PAX7: variants seen among roughly 807,000 people sequenced by gnomAD.
PAX7 encodes paired box 7, also known as paired box protein Pax-7.
In PAX7, 18 loss-of-function variants were observed where a neutral mutation model predicts 50.7. The ratio of observed to expected loss-of-function variants is 0.36; its 90% CI spans 0.25 to 0.53. The LOEUF is 0.53. Among genes scored for constraint, PAX7 ranks in the 20% least tolerant of loss-of-function variants. The probability of loss-of-function intolerance (pLI) is 0.93; values close to 1 mark genes in which losing one functional copy is unlikely to be tolerated. For synonymous variants in PAX7, 310 were observed against 290.4 expected, an observed-to-expected ratio of 1.07 and a Z score of -0.69; for missense variants, 644 against 702.9, an observed-to-expected ratio of 0.92 and a Z score of 0.95.
chr1:18,647,839 G>T (rs1205856402), intron 4 of PAX7, among the ~76,000 whole-genome samples: 1 of 152,226 alleles, frequency 6.6e-6, no homozygotes, highest in Non-Finnish European at 1.5e-5. Context: ...TGTGGGCGCA[G>T]GTGGGGTGGG....
intron 7 of PAX7, among the ~76,000 whole-genome samples, chr1:18,722,557 C>A (rs192116293): frequency 6.6e-6 from 1 of 152,154 alleles, no homozygotes; most frequent in East Asian, 1.9e-4. Context: ...GTGTGGGACG[C>A]GGGGGGCTGC....
intron 7 of PAX7, among the ~76,000 whole-genome samples, chr1:18,715,964 C>T (rs966025175): frequency 1.3e-5 from 2 of 152,152 alleles, no homozygotes; most frequent in African/African-American, 4.8e-5. Flanking sequence ...TTCCATCAGC[C>T]TTTTCCATCC....
intron 4 of PAX7, among the ~76,000 whole-genome samples, chr1:18,667,011 G>T (rs1031201508): frequency 6.6e-6 from 1 of 152,216 alleles, no homozygotes; most frequent in East Asian, 1.9e-4. Context: ...GAGACGCTCC[G>T]TAGCTTCTCC....
chr1:18,740,967 A>G (rs564734861), intron 8 of PAX7, among the ~76,000 whole-genome samples: 1 of 152,322 alleles, frequency 6.6e-6, no homozygotes, highest in East Asian at 1.9e-4. Flanking sequence ...TAGAGAGTCA[A>G]ATGATGGTTA....
intron 5 of PAX7, among the ~76,000 whole-genome samples, chr1:18,692,237 G>C (rs1356195008): frequency 2.0e-5 from 3 of 152,150 alleles, no homozygotes; most frequent in African/African-American, 7.2e-5. Flanking sequence ...AAGGACAAAA[G>C]AAGGAATGAA....
chr1:18,705,734 G>A (rs546753284), intron 7 of PAX7, among the ~76,000 whole-genome samples: 1 of 152,308 alleles, frequency 6.6e-6, no homozygotes, highest in South Asian at 2.1e-4. Flanking sequence ...TTCAGGGTTG[G>A]ATGACGTGTT....
chr1:18,701,004 G>T (rs1375008714), intron 6 of PAX7, among the ~76,000 whole-genome samples, 186 bp downstream of exon 6: 1 of 152,116 alleles, frequency 6.6e-6, no homozygotes, highest in African/African-American at 2.4e-5. Context: ...AGCCAGGTGG[G>T]ATCCCCAAGG....
At chr1:18,677,018 C>A (rs1022377455) in intron 4 of PAX7, among the ~76,000 whole-genome samples, 1 of 152,210 alleles carries the variant, frequency 6.6e-6, no homozygotes, top group African/African-American at 2.4e-5. Context: ...AGCCAGCCCA[C>A]GGGCTCCTGG....
chr1:18,649,952 G>A (rs902085006), intron 4 of PAX7, among the ~76,000 whole-genome samples: 2 of 152,334 alleles, frequency 1.3e-5, no homozygotes, highest in South Asian at 4.1e-4. Context: ...TGTGTTCCAT[G>A]GAGTCCTGGG....
At chr1:18,641,918 T>C (rs1026028012) in intron 4 of PAX7, among the ~76,000 whole-genome samples, 23 of 152,002 alleles carry the variant, frequency 1.5e-4, no homozygotes, top group Admixed American at 6.5e-4. Flanking sequence ...ACCCTGGTCC[T>C]GAGACTGCAT....
chr1:18,722,469 G>A (rs538544343), intron 7 of PAX7, among the ~76,000 whole-genome samples: 3 of 152,240 alleles, frequency 2.0e-5, no homozygotes, highest in South Asian at 4.2e-4. Context: ...TGCTAATTTC[G>A]TAGCTGCCTT....
At chr1:18,635,030 C>A in intron 2 of PAX7, 81 bp from the exon 3 acceptor site, 2 of 1,523,726 alleles carry the variant, frequency 1.3e-6, no homozygotes, top group Non-Finnish European at 1.8e-6. Flanking sequence ...TGGTCTGGGG[C>A]TCTTAAGAGG....
intron 5 of PAX7, among the ~76,000 whole-genome samples, chr1:18,694,949 G>T (rs2089132207): frequency 6.6e-6 from 1 of 152,114 alleles, no homozygotes. Flanking sequence ...TGCTTACATT[G>T]TATGGCTTCA....
chr1:18,677,498 T>C (rs575421757), intron 4 of PAX7, among the ~76,000 whole-genome samples: 1 of 152,332 alleles, frequency 6.6e-6, no homozygotes, highest in South Asian at 2.1e-4. Flanking sequence ...CAGTGGGTGC[T>C]TGGTGAACAC....
intron 4 of PAX7, among the ~76,000 whole-genome samples, chr1:18,676,119 C>T (rs1240291594): frequency 6.6e-6 from 1 of 152,226 alleles, no homozygotes; most frequent in East Asian, 1.9e-4. Flanking sequence ...TCAAAAATCA[C>T]CATTAGAGTA....
chr1:18,724,362 G>A (rs1419753413), intron 7 of PAX7, among the ~76,000 whole-genome samples: 5 of 152,244 alleles, frequency 3.3e-5, no homozygotes, highest in Non-Finnish European at 5.9e-5. Flanking sequence ...TGGTCAGAGA[G>A]GTGAGATGTA....
intron 4 of PAX7, among the ~76,000 whole-genome samples, chr1:18,637,865 C>G (rs1439750227): frequency 1.3e-5 from 2 of 152,222 alleles, no homozygotes; most frequent in African/African-American, 4.8e-5. Context: ...GTGCCGGGCG[C>G]CCCGCTGTGC....
rs751942968 is a variant in PAX7 at position 18,634,507 on chromosome 1, G to A, written c.290G>A (p.Arg97Gln). The A allele has an allele frequency of 1.1e-5, 17 of 1,613,930 alleles. No homozygotes were observed. Among genetic ancestry groups the A allele is most frequent in the South Asian group, 4.4e-5 (4 of 91,080 alleles). ...CGCTACCAGGAGACCGGGTCCATCC[G>A]GCCTGGGGCCATCGGCGGCAGCAAG... is the stretch of plus-strand genomic sequence containing the variant. ...LCRYQETGSIRPGAIGGSKPR... is the reference protein window; with the variant it reads ...LCRYQETGSIQPGAIGGSKPR... The change falls in exon 2 of 9, where the codon CGG becomes CAG. Residue 97 changes from arginine (R) to glutamine (Q), a missense_variant. Transcript: ENST00000420770. This position sits in a 1 kb window ranked among gnomAD's most constrained non-coding sequence, Gnocchi z 4.0.
In PAX7 at chr1:18,632,844, C is replaced by T. The variant is rs2088077695; in HGVS notation, c.85+1156C>T. On this transcript the variant is annotated intron_variant, in intron 1 of 8. Transcript: ENST00000420770. The surrounding 1 kb of genome is among the most constrained non-coding windows in gnomAD (Gnocchi z 6.3). ...GTGATCAAGTGCGCGCCGGCAGCCA[C>T]GCAGGCGGGAGAGCGCGCAAACCCG... Among the ~76,000 whole-genome samples, 3 of 152,152 alleles carry T rather than the reference C, an allele frequency of 2.0e-5. No individual in the cohort carries two copies. The highest frequency in any genetic ancestry group is 2.0e-4 in the Admixed American group (3 of 15,284).
Sources: gnomAD v4.1 joint callset for allele counts (sites outside exome capture counted in the v4.1 genomes callset) on GRCh38, gnomAD v4.1.1 for gene constraint, Gnocchi (gnomAD v3.1) non-coding constraint, MANE v1.5 for transcripts, NCBI Gene and HGNC (gene_info 2026-07-23, HGNC 2026-07-21) for gene names.